The following GPRIN3 variants were observed in gnomAD, a reference collection of about 807,000 sequenced individuals.
The protein encoded by GPRIN3 is G protein-regulated inducer of neurite outgrowth 3.
In GPRIN3, 12 loss-of-function variants were observed where a neutral mutation model predicts 13.7. The ratio of observed to expected loss-of-function variants is 0.87; its 90% confidence interval spans 0.56 to 1.42. The LOEUF (loss-of-function observed/expected upper bound fraction) is 1.42. GPRIN3 is among the 40% of genes most tolerant of loss of function. GPRIN3 has a pLI of 0.00. For synonymous variants in GPRIN3, 377 were observed against 372.7 expected (o/e 1.01, Z -0.13); for missense variants, 1,009 against 958.7 (o/e 1.05, Z -0.69).
intron 1 of GPRIN3, among the ~76,000 whole-genome samples, chr4:89,254,567 T>C (rs1561189486): frequency 6.6e-6 from 1 of 152,250 alleles, no homozygotes; most frequent in African/African-American, 2.4e-5. Flanking sequence ...CATTCTTTTT[T>C]TATGGCTGCA....
At chr4:89,283,009 TG>T (rs1275528618) in intron 1 of GPRIN3, among the ~76,000 whole-genome samples, 1 of 152,220 alleles carries the variant, frequency 6.6e-6, no homozygotes, top group African/African-American at 2.4e-5. Flanking sequence ...AAGAACACTA[TG>T]CACATACGTT....
In GPRIN3 at chr4:89,244,420, A is replaced by G. The variant is rs1315736425; in HGVS notation, c.*3360T>C. The stretch of plus-strand genomic sequence containing the variant: ...ACATTCAATATAGGTGAACTTATCA[A>G]GGCAGGAAACATACTAACACATTTT... On this transcript the variant is annotated 3_prime_UTR_variant, in exon 2 of 2. Transcript: ENST00000609438. 2 of 152,240 alleles carry G rather than the reference A, an allele frequency of 1.3e-5. No homozygotes were observed. The highest frequency in any genetic ancestry group is 2.4e-5 in the African/African-American group (1 of 41,472). 9.4% of individuals were successfully genotyped at this position (152,240 alleles called of 1,614,324 possible).
chr4:89,275,148 G>A (rs1724059023), intron 1 of GPRIN3, among the ~76,000 whole-genome samples: 1 of 151,968 alleles, frequency 6.6e-6, no homozygotes, highest in Non-Finnish European at 1.5e-5. Context: ...GTGTGTGTGT[G>A]TGTGTGTGTG....
In GPRIN3 at chr4:89,237,668, A is replaced by G. The variant is rs1722819503; in HGVS notation, c.*10112T>C. The G allele has an allele frequency of 6.6e-6, 1 of 152,192 alleles. No homozygotes were observed. Among genetic ancestry groups the G allele is most frequent in the Non-Finnish European group, 1.5e-5 (1 of 68,032 alleles). 9.4% of individuals were successfully genotyped at this position (152,192 alleles called of 1,614,324 possible). A position where few individuals can be genotyped will look rare whatever the true frequency, so the allele number is the denominator to read the frequency against. ...AAATAAATTTATTTACAAGCCTCCC[A>G]GTTTATGATACTTTATTATAGCAGC... On this transcript the variant is annotated 3_prime_UTR_variant, in exon 2 of 2. Transcript: ENST00000609438.
chr4:89,263,896 ATG>A, intron 1 of GPRIN3, among the ~76,000 whole-genome samples: 1 of 152,344 alleles, frequency 6.6e-6, no homozygotes, highest in Non-Finnish European at 1.5e-5. Context: ...AGAGTACAGA[ATG>A]GGAAATAAAC....
intron 1 of GPRIN3, among the ~76,000 whole-genome samples, chr4:89,268,158 AAAG>A (rs1723833518): frequency 6.6e-6 from 1 of 152,230 alleles, no homozygotes; most frequent in Admixed American, 6.5e-5. Flanking sequence ...AAAACTTAAA[AAAG>A]AAGTAGTTTT....
intron 1 of GPRIN3, among the ~76,000 whole-genome samples, chr4:89,273,137 G>T (rs1724004629): frequency 6.6e-6 from 1 of 152,066 alleles, no homozygotes; most frequent in South Asian, 2.1e-4. Flanking sequence ...AATCCCAAAT[G>T]ATAACCCCAG....
rs1177491426 is a variant in GPRIN3, at chr4:89,250,060, T to G, written c.51A>C (p.Ala17=). 2 of 1,614,176 alleles carry G rather than the reference T, an allele frequency of 1.2e-6. No homozygotes were observed. Among genetic ancestry groups the G allele is most frequent in the Non-Finnish European group, 8.5e-7 (1 of 1,179,988 alleles). ...CTAGATCGTCTTCTTTTCCGGAAGC[T>G]GCAATCAGGGAAGTTTTAGCTGATC... ...PLRSAKTSLI[A]ASGKEDDLGE... is the part of the protein sequence containing the mutation. Residue 17 remains alanine (A), a synonymous_variant, in exon 2 of 2, where the codon GCA becomes GCC. Coordinates refer to ENST00000609438, the MANE Select transcript of GPRIN3 (RefSeq NM_198281.3).
At chr4:89,268,269 T>A (rs570260708) in intron 1 of GPRIN3, among the ~76,000 whole-genome samples, 3 of 152,200 alleles carry the variant, frequency 2.0e-5, no homozygotes, top group African/African-American at 7.2e-5. Context: ...TCAATGTTGT[T>A]AGTAAGAATA....
intron 1 of GPRIN3, among the ~76,000 whole-genome samples, chr4:89,261,531 G>C (rs1398200634): frequency 6.6e-6 from 1 of 152,154 alleles, no homozygotes; most frequent in Non-Finnish European, 1.5e-5. Flanking sequence ...TACTCTACCT[G>C]TGAGAATGCA....
intron 1 of GPRIN3, among the ~76,000 whole-genome samples, chr4:89,283,132 A>G (rs369537818): frequency 5.9e-5 from 9 of 152,256 alleles, no homozygotes; most frequent in African/African-American, 2.2e-4. Context: ...AAGTAAAGAC[A>G]GGCCTTCAGA....
At chr4:89,268,008 C>T (rs559096564) in intron 1 of GPRIN3, among the ~76,000 whole-genome samples, 46 of 152,160 alleles carry the variant, frequency 3.0e-4, no homozygotes, top group East Asian at 1.4e-3. Flanking sequence ...GATGTAGTTA[C>T]GCAAAAGTGG....
At chr4:89,254,664 C>T (rs184834316) in intron 1 of GPRIN3, among the ~76,000 whole-genome samples, 7 of 152,070 alleles carry the variant, frequency 4.6e-5, no homozygotes, top group South Asian at 2.1e-4. Flanking sequence ...TCTTTGCTAT[C>T]GTGAATAGTG....
chr4:89,284,633 T>G (rs10020511), intron 1 of GPRIN3, among the ~76,000 whole-genome samples: 3,123 of 152,276 alleles, frequency 0.021, 101 homozygotes, highest in African/African-American at 0.072. Context: ...CAGGTCTACC[T>G]TCCAAGTCCA....
chr4:89,247,897 A>G lies in GPRIN3; in HGVS notation c.2214T>C (p.Asp738=), dbSNP rs770076328. 8.1e-6 allele frequency: 13 copies of G among 1,614,206 alleles called. No homozygotes were observed. The highest frequency in any genetic ancestry group is 5.0e-5 in the Admixed American group (3 of 60,030). The part of the protein sequence containing the change: ...NSQTRRSISS[D]TSSNKKLRGR... ...CTCTGAGCTTCTTATTTGAAGAAGT[A>G]TCTGAGGAAATGGATCTCCGGGTCT... The change falls in exon 2 of 2, where the codon GAT becomes GAC. Residue 738 remains aspartate (D), a synonymous_variant. Coordinates refer to ENST00000609438, the MANE Select transcript of GPRIN3 (RefSeq NM_198281.3).
chr4:89,262,114 A>G (rs2149265004), intron 1 of GPRIN3, among the ~76,000 whole-genome samples: 2 of 147,308 alleles, frequency 1.4e-5, no homozygotes, highest in Middle Eastern at 3.5e-3. Flanking sequence ...TGACGGAGTG[A>G]GACCCAGTCT....
intron 1 of GPRIN3, among the ~76,000 whole-genome samples, chr4:89,273,686 A>C (rs1229626308): frequency 6.6e-6 from 1 of 152,236 alleles, no homozygotes; most frequent in East Asian, 1.9e-4. Context: ...ACTCCGTCTC[A>C]AAAAACAAAC....
chr4:89,252,686 A>G (rs1723361114), intron 1 of GPRIN3, among the ~76,000 whole-genome samples: 1 of 152,232 alleles, frequency 6.6e-6, no homozygotes, highest in Non-Finnish European at 1.5e-5. Flanking sequence ...TTTCTCCTCT[A>G]AACAAGCTCT....
chr4:89,304,511 C>T (rs1464652913), intron 1 of GPRIN3, among the ~76,000 whole-genome samples: 2 of 152,194 alleles, frequency 1.3e-5, no homozygotes, highest in Non-Finnish European at 2.9e-5. Flanking sequence ...ATCAGACTCA[C>T]TAAACTGACT....
Sources: allele counts gnomAD v4.1 joint callset (sites outside exome capture counted in the v4.1 genomes callset), GRCh38; gene constraint gnomAD v4.1.1; transcripts MANE v1.5; gene names NCBI Gene and HGNC (gene_info 2026-07-23, HGNC 2026-07-21).